Variants in CCSER1 observed in about 807,000 individuals in gnomAD.
CCSER1 encodes coiled-coil serine rich protein 1.
In CCSER1, 41 loss-of-function variants were observed where a neutral mutation model predicts 82.0. The observed-to-expected ratio is 0.50, with a 90% CI of 0.39 to 0.65. The LOEUF (loss-of-function observed/expected upper bound fraction) is 0.65, where lower values mean the gene tolerates loss of function less well. CCSER1 is among the 30% of genes least tolerant of loss of function. The probability of loss-of-function intolerance (pLI) is 0.00; values close to 1 mark genes in which losing one functional copy is unlikely to be tolerated. For missense variants in CCSER1, 1,119 were observed against 1,064.2 expected (o/e 1.05, Z -0.72); for synonymous variants, 414 against 383.9 (o/e 1.08, Z -0.92).
chr4:90,188,879 A>G (rs1482376127), intron 1 of CCSER1, among the ~76,000 whole-genome samples: 1 of 152,036 alleles, frequency 6.6e-6, no homozygotes. Flanking sequence ...ATAGGAGACT[A>G]TTACTATGGG....
intron 10 of CCSER1, among the ~76,000 whole-genome samples, chr4:91,450,205 C>T (rs369831205): frequency 2.0e-5 from 3 of 152,006 alleles, no homozygotes; most frequent in Non-Finnish European, 2.9e-5. Flanking sequence ...CTACTCAAAA[C>T]GTCCTATATT....
chr4:90,360,579 CAAAAAAAAAAAA>C (rs61140876), intron 3 of CCSER1, among the ~76,000 whole-genome samples: 1 of 75,956 alleles, frequency 1.3e-5, no homozygotes, highest in Non-Finnish European at 2.5e-5. Context: ...GACTCCGTCT[CAAAAAAAAAAAA>C]AAAAAAAAAA....
chr4:90,492,561 C>A lies in CCSER1; in HGVS notation c.1724+24207C>A, dbSNP rs181283832. On this transcript the variant is annotated intron_variant, in intron 5 of 10. Coordinates refer to ENST00000509176, the MANE Select transcript of CCSER1 (RefSeq NM_001145065.2). ...TTAGTTATTTCTTGCCTTCTGTTAG[C>A]TTTTGAATGTGTTTACTCTTGCTTC... Among the ~76,000 whole-genome samples, 393 of 152,204 alleles carry A rather than the reference C, an allele frequency of 2.6e-3. 1 individual carries two copies. The highest frequency in any genetic ancestry group is 8.7e-3 in the African/African-American group (360 of 41,526).
At chr4:90,869,576 G>A (rs978441171) in intron 8 of CCSER1, among the ~76,000 whole-genome samples, 1 of 150,368 alleles carries the variant, frequency 6.7e-6, no homozygotes, top group Non-Finnish European at 1.5e-5. Flanking sequence ...TTTTTTTTCT[G>A]CCAGTACCAT....
intron 9 of CCSER1, among the ~76,000 whole-genome samples, chr4:91,075,125 C>A (rs1721838031): frequency 6.6e-6 from 1 of 151,708 alleles, no homozygotes. Flanking sequence ...GCGCAGTTAC[C>A]AGGGGTGTTC....
intron 5 of CCSER1, among the ~76,000 whole-genome samples, chr4:90,559,846 T>C (rs1484946069): frequency 7.5e-6 from 1 of 132,598 alleles, no homozygotes; most frequent in African/African-American, 2.9e-5. Context: ...TAGCCGGGCA[T>C]AGTAGTGCAT....
At chr4:91,154,516 TTGCACCCACTGTCC>T (rs1374901072) in intron 10 of CCSER1, among the ~76,000 whole-genome samples, 5 of 152,032 alleles carry the variant, frequency 3.3e-5, no homozygotes, top group Non-Finnish European at 7.4e-5. Flanking sequence ...GGTCCTTGGG[TTGCACCCACTGTCC>T]TGCACCCACT....
chr4:90,417,982 A>G (rs546172922), intron 4 of CCSER1, among the ~76,000 whole-genome samples: 1 of 152,242 alleles, frequency 6.6e-6, no homozygotes, highest in South Asian at 2.1e-4. Context: ...TGATTATATA[A>G]AACTAAGAAA....
At chr4:91,360,313 C>A (rs1749165043) in intron 10 of CCSER1, among the ~76,000 whole-genome samples, 1 of 151,632 alleles carries the variant, frequency 6.6e-6, no homozygotes, top group African/African-American at 2.4e-5. Context: ...AAAAGATCTA[C>A]TAAAAATTGA....
intron 5 of CCSER1, among the ~76,000 whole-genome samples, chr4:90,506,364 A>G (rs1281357885): frequency 2.6e-5 from 4 of 152,184 alleles, no homozygotes; most frequent in Admixed American, 1.3e-4. Context: ...TAAAATATGC[A>G]TATGTTTCTT....
At chr4:91,458,121 A>C (rs2149427410) in intron 10 of CCSER1, among the ~76,000 whole-genome samples, 1 of 152,168 alleles carries the variant, frequency 6.6e-6, no homozygotes, top group East Asian at 1.9e-4. Flanking sequence ...TTCTTTTAGA[A>C]GTTTTATAGT....
chr4:91,330,571 C>G (rs559748883), intron 10 of CCSER1, among the ~76,000 whole-genome samples: 1 of 152,262 alleles, frequency 6.6e-6, no homozygotes, highest in South Asian at 2.1e-4. Context: ...GCGGAAGCAA[C>G]ATCCAAATGC....
chr4:90,819,418 G>A (rs901885440), intron 8 of CCSER1, among the ~76,000 whole-genome samples: 2 of 152,006 alleles, frequency 1.3e-5, no homozygotes, highest in African/African-American at 4.8e-5. Context: ...GTTCAGTTGT[G>A]GAAAATTAGA....
At chr4:90,236,797 G>A (rs1337783399) in intron 1 of CCSER1, among the ~76,000 whole-genome samples, 1 of 151,910 alleles carries the variant, frequency 6.6e-6, no homozygotes, top group East Asian at 1.9e-4. Flanking sequence ...ATTTTGGGAT[G>A]TATTTATATT....
At chr4:90,586,123 A>C (rs1781985789) in intron 5 of CCSER1, among the ~76,000 whole-genome samples, 1 of 152,118 alleles carries the variant, frequency 6.6e-6, no homozygotes, top group African/African-American at 2.4e-5. Context: ...GTGAGCGAGC[A>C]TTACTGCCTG....
chr4:90,728,474 T>C (rs544361416), intron 7 of CCSER1, among the ~76,000 whole-genome samples: 1 of 152,290 alleles, frequency 6.6e-6, no homozygotes, highest in Non-Finnish European at 1.5e-5. Context: ...AACTTTAATA[T>C]GCACAGAGCC....
At chr4:91,168,125 G>T (rs529788690) in intron 10 of CCSER1, among the ~76,000 whole-genome samples, 4 of 142,978 alleles carry the variant, frequency 2.8e-5, no homozygotes, top group Non-Finnish European at 1.5e-5. Context: ...GGTGAGGAAC[G>T]TCTCTGCCCG....
intron 10 of CCSER1, among the ~76,000 whole-genome samples, chr4:91,257,381 C>T (rs984793094): frequency 6.6e-6 from 1 of 151,726 alleles, no homozygotes; most frequent in African/African-American, 2.4e-5. Context: ...TCAAGCTAAA[C>T]TCAACATGAA....
At chr4:90,286,479 A>G (rs1457780041) in intron 1 of CCSER1, among the ~76,000 whole-genome samples, 2 of 152,078 alleles carry the variant, frequency 1.3e-5, no homozygotes, top group Non-Finnish European at 2.9e-5. Context: ...CCACTTACAC[A>G]GTTTATTGAT....
Sources: allele counts gnomAD v4.1 joint callset (sites outside exome capture counted in the v4.1 genomes callset), GRCh38; gene constraint gnomAD v4.1.1; transcripts MANE v1.5; gene names NCBI Gene and HGNC (gene_info 2026-07-23, HGNC 2026-07-21).